DENND4A: variants seen among roughly 807,000 people sequenced by gnomAD.
DENND4A encodes C-myc promoter-binding protein.
Under a neutral mutation model 199.3 loss-of-function variants are expected in DENND4A, and 70 were observed. That is an observed-to-expected ratio of 0.35 (90% CI 0.29 to 0.43). The LOEUF is 0.43. DENND4A is among the 20% of genes least tolerant of loss of function. The pLI, the probability that DENND4A is intolerant of heterozygous loss-of-function variation, is 1.00. For synonymous variants in DENND4A, 686 were observed against 766.9 expected, an observed-to-expected ratio of 0.89 and a Z score of 1.74; for missense variants, 1,723 against 2,255.8, an observed-to-expected ratio of 0.76 and a Z score of 4.78.
rs761590535 is a variant in DENND4A, at chr15:65,717,945, T to A, written c.1640A>T (p.Tyr547Phe). Reference protein sequence around the residue: ...DGLMDLAINDYDFNSGKRLHM... With the variant: ...DGLMDLAINDFDFNSGKRLHM... The stretch of plus-strand genomic sequence containing the variant: ...CAACCTCTTTCCAGAATTAAAATCA[T>A]AGTCATTTATTGCTAAATCCATGAG... The change falls in exon 13 of 33, where the codon TAT becomes TTT. Residue 547 changes from tyrosine to phenylalanine, a missense_variant. Tyr to Phe is a conservative substitution (Grantham distance 22). This residue lies in a region of DENND4A where 725 missense variants were observed against 952.9 expected (regional missense o/e 0.76). Coordinates refer to ENST00000443035, the MANE Select transcript of DENND4A (RefSeq NM_001320835.1). 6.2e-7 allele frequency: 1 copy of A among 1,609,272 alleles called. No homozygotes were observed. Among genetic ancestry groups the A allele is most frequent in the East Asian group, 2.2e-5 (1 of 44,826 alleles).
At chr15:65,676,162 ATATACC>A (rs899550521) in intron 24 of DENND4A, among the ~76,000 whole-genome samples, 2 of 146,524 alleles carry the variant, frequency 1.4e-5, no homozygotes, top group African/African-American at 4.9e-5. Context: ...ATATATATAT[ATATACC>A]TATACCTATA....
chr15:65,731,459 TAG>T, intron 9 of DENND4A, 181 bp downstream of exon 9: 1 of 627,310 alleles, frequency 1.6e-6, no homozygotes, highest in Non-Finnish European at 3.0e-6. Flanking sequence ...AAAACACTAT[TAG>T]AAAAGTTTCC....
At chr15:65,662,036 T>C in intron 32 of DENND4A, 49 bp from the exon 33 acceptor site, 1 of 1,489,906 alleles carries the variant, frequency 6.7e-7, no homozygotes, top group Non-Finnish European at 9.1e-7. Context: ...TTAGGTCTGA[T>C]GTTGAAAACT....
chr15:65,703,640 G>A (rs775995425), intron 15 of DENND4A, among the ~76,000 whole-genome samples: 49 of 152,154 alleles, frequency 3.2e-4, no homozygotes, highest in Non-Finnish European at 6.0e-4. Flanking sequence ...ACCTAATAAG[G>A]GTGCGAGACC....
chr15:65,773,002 C>CA (rs61241995), intron 1 of DENND4A, among the ~76,000 whole-genome samples: 36,109 of 99,554 alleles, frequency 0.36, 10,895 homozygotes, highest in Non-Finnish European at 0.46. Flanking sequence ...TGTTTCTAAG[C>CA]AAAAAAAAAA....
chr15:65,713,345 T>C (rs1047095826), intron 14 of DENND4A, among the ~76,000 whole-genome samples: 4 of 152,238 alleles, frequency 2.6e-5, no homozygotes, highest in African/African-American at 9.6e-5. Flanking sequence ...ATATAGGTCA[T>C]ACATTTTTGC....
At chr15:65,689,795 C>T (rs1379855497) in intron 23 of DENND4A, among the ~76,000 whole-genome samples, 18 of 152,240 alleles carry the variant, frequency 1.2e-4, no homozygotes, top group African/African-American at 3.6e-4. Flanking sequence ...GTCTCTCTAA[C>T]CCACAAGTTC....
At chr15:65,754,306 T>C (rs1179716667) in intron 3 of DENND4A, among the ~76,000 whole-genome samples, 2 of 152,178 alleles carry the variant, frequency 1.3e-5, no homozygotes, top group African/African-American at 2.4e-5. Flanking sequence ...TTTGATCTTG[T>C]TTTGCTTTTT....
chr15:65,665,185 A>T (rs2075994390), intron 30 of DENND4A, 160 bp downstream of exon 30: 1 of 559,472 alleles, frequency 1.8e-6, no homozygotes, highest in African/African-American at 1.9e-5. Flanking sequence ...GCACTAAAAA[A>T]ATCAAACACT....
intron 23 of DENND4A, among the ~76,000 whole-genome samples, chr15:65,679,600 G>A (rs141693355): frequency 6.0e-5 from 9 of 150,812 alleles, no homozygotes; most frequent in South Asian, 4.2e-4. Context: ...GCACAATCAC[G>A]GCTCACTGCA....
At chr15:65,728,856 GAAA>G in intron 11 of DENND4A, 2 of 562,940 alleles carry the variant, frequency 3.6e-6, no homozygotes, top group South Asian at 3.8e-5. Context: ...GCCTGAGGAT[GAAA>G]GGTATAGTCC....
rs757512712 is a variant in DENND4A, at chr15:65,722,947, T to C, written c.1489A>G (p.Ile497Val). 6.2e-7 allele frequency: 1 copy of C among 1,601,682 alleles called. No individual in the cohort carries two copies. Residue 497 changes from isoleucine to valine, a missense_variant and splice_region_variant, in exon 12 of 33, where the codon ATT becomes GTT. Physicochemically the swap from Ile to Val is conservative, Grantham distance 29 (BLOSUM62 3). Around this residue, in one of 6 missense-constraint regions of DENND4A, gnomAD observed 725 missense variants for 952.9 expected, o/e 0.76. Coordinates refer to ENST00000443035, the MANE Select transcript of DENND4A (RefSeq NM_001320835.1). ...VDVDTNTISQ[I>V]GDKKNVAWKI... ...CAGGCTACATTTTTCTTGTCACCAA[T>C]TCTAAGATTAAATAACAACAGGAAT...
At position 65,752,415 on chromosome 15, in the gene DENND4A, C is replaced by T. The variant is rs201670474; in HGVS notation, c.525G>A (p.Thr175=). 21 of 1,606,120 alleles carry T rather than the reference C, an allele frequency of 1.3e-5. No individual in the cohort carries two copies. Among genetic ancestry groups the T allele is most frequent in the African/African-American group, 2.7e-5 (2 of 74,164 alleles). The change falls in exon 4 of 33, where the codon ACG becomes ACA. Residue 175 remains threonine, a synonymous_variant. Coordinates refer to ENST00000443035, the MANE Select transcript of DENND4A (RefSeq NM_001320835.1). ...IPSKGESPPH[T]FCKVDKNLNN... ...TGAGATTCTTGTCGACTTTGCAGAA[C>T]GTGTGTGGTGGGCTTTCTCCTTTAC...
chr15:65,707,928 C>T (rs969802624), intron 14 of DENND4A, among the ~76,000 whole-genome samples: 7 of 151,838 alleles, frequency 4.6e-5, no homozygotes, highest in African/African-American at 9.7e-5. Flanking sequence ...TTAGGTGATC[C>T]GCCTGCCTTG....
At position 65,690,671 on chromosome 15, in the gene DENND4A, T is replaced by G; in HGVS notation, c.3923A>C (p.Lys1308Thr). Residue 1308 changes from lysine to threonine, a missense_variant, in exon 23 of 33, where the codon AAA (lysine) becomes ACA (threonine). By Grantham distance (78) the Lys-to-Thr change is moderately conservative. This residue lies in a region of DENND4A where 650 missense variants were observed against 738.1 expected (regional missense o/e 0.88). Coordinates refer to ENST00000443035, the MANE Select transcript of DENND4A (RefSeq NM_001320835.1). Reference sequence around the variant, plus strand: ...CTCACTTTTTGTGTAACTTTTAGATTTGGTAAGTCTCACTGGCTTAGGAGA... The same window carrying G: ...CTCACTTTTTGTGTAACTTTTAGATGTGGTAAGTCTCACTGGCTTAGGAGA... ...PNSPKPVRLT[K>T]SKSYTKSEEK... is the part of the protein sequence containing the mutation. The G allele has an allele frequency of 6.2e-7, 1 of 1,613,738 alleles. No individual in the cohort carries two copies. Among genetic ancestry groups the G allele is most frequent in the Non-Finnish European group, 8.5e-7 (1 of 1,179,772 alleles).
intron 1 of DENND4A, among the ~76,000 whole-genome samples, chr15:65,765,490 C>T (rs764948313): frequency 6.6e-6 from 1 of 152,170 alleles, no homozygotes; most frequent in Non-Finnish European, 1.5e-5. Context: ...AGCTGGTATA[C>T]CTTTCACCCC....
At chr15:65,758,094 A>T (rs1346864360) in intron 2 of DENND4A, among the ~76,000 whole-genome samples, 1 of 152,206 alleles carries the variant, frequency 6.6e-6, no homozygotes, top group Non-Finnish European at 1.5e-5. Flanking sequence ...AGTGGAAGAC[A>T]AGTTCCTGTT....
chr15:65,720,950 TATA>T lies in DENND4A; in HGVS notation c.1588+1895_1588+1897del, dbSNP rs1567043864. On this transcript the variant is annotated intron_variant, in intron 12 of 32. Coordinates refer to ENST00000443035, the MANE Select transcript of DENND4A (RefSeq NM_001320835.1). ...GTTGAATGGGCTGTTTCATTGATTA[TATA>T]TATATATATATATATATATATATAT... Among the ~76,000 whole-genome samples, 17 of 30,346 alleles carry T rather than the reference TATA, an allele frequency of 5.6e-4. 1 individual carries two copies. The highest frequency in any genetic ancestry group is 1.5e-3 in the Admixed American group (5 of 3,286). The allele number at this position is 30,346 out of a possible 152,430, so 19.9% of individuals were successfully genotyped here.
At position 65,752,022 on chromosome 15, in the gene DENND4A, C is replaced by A. The variant is rs904789359; in HGVS notation, c.561+357G>T. On this transcript the variant is annotated intron_variant, in intron 4 of 32. Transcript: ENST00000443035. Reference sequence around the variant, plus strand: ...ATTTACAAAAAAGTAGGGAGGACTGCTAAAGCCATGTCTTCAAATGGGTAA... The same window carrying A: ...ATTTACAAAAAAGTAGGGAGGACTGATAAAGCCATGTCTTCAAATGGGTAA... Among the ~76,000 whole-genome samples, 5 of 140,450 alleles carry A rather than the reference C, an allele frequency of 3.6e-5. No individual in the cohort carries two copies. The East Asian group carries it at 1.1e-3, about 31-fold the overall frequency. The allele number at this position is 140,450 out of a possible 152,430, so 92.1% of individuals were successfully genotyped here.
Sources: allele counts gnomAD v4.1 joint callset (sites outside exome capture counted in the v4.1 genomes callset), GRCh38; gene constraint gnomAD v4.1.1; regional missense constraint gnomAD v4.1.1; transcripts MANE v1.5; gene names NCBI Gene and HGNC (gene_info 2026-07-23, HGNC 2026-07-21).